The following DNAJA3 variants were observed in gnomAD, a reference collection of about 807,000 sequenced individuals.
The protein encoded by DNAJA3 is dnaJ homolog subfamily A member 3, mitochondrial.
Under a neutral mutation model 54.9 loss-of-function variants are expected in DNAJA3, and 29 were observed. The observed-to-expected ratio is 0.53, with a 90% CI of 0.39 to 0.72. DNAJA3 has a LOEUF of 0.72. Ranked by LOEUF, DNAJA3 falls within the 30% of genes least tolerant of loss-of-function variation. The pLI, the probability that DNAJA3 is intolerant of heterozygous loss-of-function variation, is 0.00. For synonymous variants in DNAJA3, 302 were observed against 251.4 expected (o/e 1.20, Z -1.90); for missense variants, 708 against 639.4 (o/e 1.11, Z -1.16).
chr16:4,441,975 G>A (rs941435596), intron 4 of DNAJA3, among the ~76,000 whole-genome samples: 9 of 152,130 alleles, frequency 5.9e-5, no homozygotes, highest in African/African-American at 2.2e-4. Context: ...TTATGATTGT[G>A]GATCATTCAG....
At chr16:4,426,144 T>A in intron 1 of DNAJA3, 52 bp downstream of exon 1, 1 of 1,472,718 alleles carries the variant, frequency 6.8e-7, no homozygotes, top group Non-Finnish European at 9.0e-7. Flanking sequence ...TAGAAAAGAG[T>A]GAGTCTCCTC....
intron 9 of DNAJA3, chr16:4,449,812 CTT>C (rs946466425): frequency 4.8e-5 from 7 of 144,466 alleles, no homozygotes; most frequent in Admixed American, 7.0e-5. Context: ...TAGATAATTT[CTT>C]TTTTTTTTTT....
At chr16:4,451,756 A>G (rs918659688) in intron 10 of DNAJA3, among the ~76,000 whole-genome samples, 5 of 143,088 alleles carry the variant, frequency 3.5e-5, no homozygotes, top group South Asian at 2.2e-4. Context: ...CTCTCTGAAA[A>G]AAAAAAAAAA....
chr16:4,452,245 C>G (rs920331188), intron 10 of DNAJA3, among the ~76,000 whole-genome samples: 1 of 152,114 alleles, frequency 6.6e-6, no homozygotes, highest in Non-Finnish European at 1.5e-5. Flanking sequence ...TTCCCCGGAA[C>G]TCTAATCAGT....
chr16:4,448,877 C>A, intron 9 of DNAJA3, 29 bp downstream of exon 9: 1 of 1,563,058 alleles, frequency 6.4e-7, no homozygotes, highest in Non-Finnish European at 8.8e-7. Flanking sequence ...GTGGCCAAGC[C>A]CGCCTGGTCC....
intron 10 of DNAJA3, among the ~76,000 whole-genome samples, chr16:4,453,998 A>T (rs1278090394): frequency 6.6e-6 from 1 of 152,226 alleles, no homozygotes; most frequent in Non-Finnish European, 1.5e-5. Flanking sequence ...GCAAATCTGT[A>T]ACACGTTTGT....
At chr16:4,433,550 C>G (rs745692675) in intron 1 of DNAJA3, among the ~76,000 whole-genome samples, 6 of 152,156 alleles carry the variant, frequency 3.9e-5, no homozygotes, top group Non-Finnish European at 8.8e-5. Flanking sequence ...TTTCATCAGT[C>G]TAATGATGCT....
At chr16:4,455,449 G>C in intron 11 of DNAJA3, 97 bp from the exon 12 acceptor site, 1 of 1,442,934 alleles carries the variant, frequency 6.9e-7, no homozygotes, top group Non-Finnish European at 9.5e-7. Flanking sequence ...CCCCTCTCTT[G>C]GCACAGCTGC....
rs761337737 is a variant in DNAJA3, at chr16:4,444,679, A to G, written c.947A>G (p.Gln316Arg). ...TCCCTTGTAGGAGTCGAGGATGGCC[A>G]GACCGTGAGGATGCCTGTGGGAAAA... ...IPVPAGVEDGQTVRMPVGKRE... is the reference protein window; with the variant it reads ...IPVPAGVEDGRTVRMPVGKRE... The change falls in exon 7 of 12, where the codon CAG (glutamine) becomes CGG (arginine). Residue 316 changes from glutamine to arginine, a missense_variant. Transcript: ENST00000262375. 39 of 1,614,052 alleles carry G rather than the reference A, an allele frequency of 2.4e-5. No individual in the cohort carries two copies. Among genetic ancestry groups the G allele is most frequent in the Non-Finnish European group, 3.3e-5 (39 of 1,180,040 alleles).
intron 1 of DNAJA3, chr16:4,427,455 A>T (rs2141365344): frequency 6.6e-6 from 1 of 152,306 alleles, no homozygotes; most frequent in South Asian, 2.1e-4. Context: ...TGGTTACTTC[A>T]TGCAATGTAA....
chr16:4,448,793 A>C lies in DNAJA3; in HGVS notation c.1186A>C (p.Ile396Leu). 1 of 1,614,164 alleles carries C rather than the reference A, an allele frequency of 6.2e-7. No homozygotes were observed. Among genetic ancestry groups the C allele is most frequent in the South Asian group, 1.1e-5 (1 of 91,074 alleles). The change falls in exon 9 of 12, where the codon ATT (isoleucine) becomes CTT (leucine). Residue 396 changes from isoleucine (I) to leucine (L), a missense_variant. Physicochemically the swap from Ile to Leu is conservative, Grantham distance 5. Coordinates refer to ENST00000262375, the MANE Select transcript of DNAJA3 (RefSeq NM_005147.6). The part of the protein sequence containing the change: ...IRMGGKGIPR[I>L]NSYGYGDHYI... ...GATGGGTGGGAAAGGCATCCCCCGG[A>C]TTAACAGCTACGGCTACGGAGACCA...
intron 3 of DNAJA3, chr16:4,441,124 CCAGCATG>C: frequency 1.8e-6 from 1 of 541,374 alleles, no homozygotes; most frequent in Non-Finnish European, 3.2e-6. Context: ...AAACATTTTC[CCAGCATG>C]CGCGACGGCG....
At chr16:4,426,877 A>G (rs553721638) in intron 1 of DNAJA3, 1 of 152,186 alleles carries the variant, frequency 6.6e-6, no homozygotes, top group African/African-American at 2.4e-5. Flanking sequence ...ACTGAATTAT[A>G]CATTAAGCCT....
chr16:4,444,005 T>C (rs969271880), intron 6 of DNAJA3, among the ~76,000 whole-genome samples: 6 of 152,158 alleles, frequency 3.9e-5, no homozygotes, highest in African/African-American at 1.4e-4. Flanking sequence ...GTTGTTTAGA[T>C]GTCTGTTTCT....
At position 4,443,002 on chromosome 16, in the gene DNAJA3, TC is replaced by T; in HGVS notation, c.784-14del. 1 of 1,611,524 alleles carries T rather than the reference TC, an allele frequency of 6.2e-7. No individual in the cohort carries two copies. The highest frequency in any genetic ancestry group is 2.2e-5 in the East Asian group (1 of 44,848). On this transcript the variant is annotated splice_polypyrimidine_tract_variant and intron_variant, in intron 5 of 11. Transcript: ENST00000262375. ...ACCTGCGTACTTAGGTTACCATTTTTCTTGTTTTTATCAGGAAACCATCAAC... is the reference window on the plus strand; with the variant it reads ...ACCTGCGTACTTAGGTTACCATTTTTTTGTTTTTATCAGGAAACCATCAAC...
rs777976116 is a variant in DNAJA3 at position 4,450,502 on chromosome 16, G to A, written c.1339+5G>A. On this transcript the variant is annotated splice_donor_5th_base_variant and intron_variant, in intron 10 of 11. Coordinates refer to ENST00000262375, the MANE Select transcript of DNAJA3 (RefSeq NM_005147.6). ...GCGTCACCCTCACCAGCTCTGGTAA[G>A]GAGTCTGAAGACTACATGGTGACAC... The A allele has an allele frequency of 3.1e-6, 5 of 1,601,854 alleles. No homozygotes were observed. In the Admixed American group the frequency reaches 5.1e-5, roughly 16 times the overall value.
intron 2 of DNAJA3, among the ~76,000 whole-genome samples, chr16:4,436,479 C>G (rs533651958): frequency 1.4e-4 from 22 of 152,190 alleles, no homozygotes; most frequent in Admixed American, 9.8e-4. Flanking sequence ...TATTTACCTA[C>G]AAAAATAATT....
At chr16:4,442,631 GGGGGC>G (rs1438641404) in intron 5 of DNAJA3, 3 of 561,662 alleles carry the variant, frequency 5.3e-6, no homozygotes, top group Non-Finnish European at 9.0e-6. Context: ...CAGCAGCTCC[GGGGGC>G]GGGGCGGGGG....
chr16:4,439,637 C>T (rs757469260), intron 3 of DNAJA3, among the ~76,000 whole-genome samples: 1 of 152,138 alleles, frequency 6.6e-6, no homozygotes, highest in African/African-American at 2.4e-5. Flanking sequence ...CCTAATCCAC[C>T]GTGTTGCTGA....
Sources: allele counts gnomAD v4.1 joint callset (sites outside exome capture counted in the v4.1 genomes callset), GRCh38; gene constraint gnomAD v4.1.1; transcripts MANE v1.5; gene names NCBI Gene and HGNC (gene_info 2026-07-23, HGNC 2026-07-21).